Variants in ATP9B observed in about 807,000 individuals in gnomAD.
ATP9B encodes ATPase phospholipid transporting 9B.
ATP9B carries 110 observed loss-of-function variants against 146.1 expected under a neutral mutation model. That is an observed-to-expected ratio of 0.75 (90% CI 0.65 to 0.88). The LOEUF (loss-of-function observed/expected upper bound fraction) is 0.88. ATP9B is among the 40% of genes least tolerant of loss of function. The probability of loss-of-function intolerance (pLI) is 0.00; values close to 1 mark genes in which losing one functional copy is unlikely to be tolerated. For missense variants in ATP9B, 1,499 were observed against 1,496.4 expected, an observed-to-expected ratio of 1.00 and a Z score of -0.03; for synonymous variants, 604 against 569.7, an observed-to-expected ratio of 1.06 and a Z score of -0.86.
intron 11 of ATP9B, among the ~76,000 whole-genome samples, chr18:79,247,430 A>T (rs1178611345): frequency 6.6e-6 from 1 of 152,206 alleles, no homozygotes; most frequent in Non-Finnish European, 1.5e-5. Context: ...GACATTTCTC[A>T]AGCGATCTAG....
intron 15 of ATP9B, among the ~76,000 whole-genome samples, chr18:79,316,370 C>G (rs1206091383): frequency 6.6e-6 from 1 of 152,212 alleles, no homozygotes; most frequent in African/African-American, 2.4e-5. Flanking sequence ...AGCCACGTGT[C>G]ACCTGCTGCT....
At chr18:79,240,151 C>G (rs1316955564) in intron 11 of ATP9B, among the ~76,000 whole-genome samples, 1 of 152,218 alleles carries the variant, frequency 6.6e-6, no homozygotes, top group Admixed American at 6.5e-5. Flanking sequence ...CTTTGCTGGA[C>G]TCAATATTCC....
intron 4 of ATP9B, among the ~76,000 whole-genome samples, chr18:79,119,834 C>T (rs541713463): frequency 9.8e-5 from 15 of 152,296 alleles, no homozygotes; most frequent in Admixed American, 2.0e-4. Flanking sequence ...GAGCAAACCT[C>T]TTAAAAAGTT....
intron 13 of ATP9B, among the ~76,000 whole-genome samples, chr18:79,293,904 A>G (rs1217941059): frequency 1.3e-5 from 2 of 152,190 alleles, no homozygotes; most frequent in African/African-American, 2.4e-5. Context: ...ATCGCCTTGC[A>G]TGTTTCTGTG....
chr18:79,273,624 G>A (rs187025523), intron 12 of ATP9B, among the ~76,000 whole-genome samples: 2 of 152,322 alleles, frequency 1.3e-5, no homozygotes, highest in Admixed American at 1.3e-4. Flanking sequence ...CAGACAAGTT[G>A]TGGGACTGGG....
At chr18:79,267,992 T>C (rs1238965012) in intron 12 of ATP9B, among the ~76,000 whole-genome samples, 1 of 152,098 alleles carries the variant, frequency 6.6e-6, no homozygotes, top group East Asian at 1.9e-4. Context: ...GGAATTCTGT[T>C]TATTTTTAGT....
chr18:79,304,506 A>G (rs304938), intron 14 of ATP9B, among the ~76,000 whole-genome samples: 151,716 of 152,344 alleles, frequency 1, 75,553 homozygotes, highest in Middle Eastern at 1. Flanking sequence ...AAAAAGCTTC[A>G]AGTTTTAGAA....
intron 25 of ATP9B, among the ~76,000 whole-genome samples, chr18:79,349,949 G>C (rs898667377): frequency 1.1e-4 from 15 of 136,706 alleles, no homozygotes; most frequent in Admixed American, 1.7e-4. Context: ...TGTATTACCA[G>C]TTAGCGTCCT....
chr18:79,200,044 T>C (rs1314634371), intron 9 of ATP9B, among the ~76,000 whole-genome samples: 1 of 152,266 alleles, frequency 6.6e-6, no homozygotes, highest in African/African-American at 2.4e-5. Context: ...CATAAACTAG[T>C]AACATAGTTG....
rs188291725 is a variant in ATP9B at position 79,211,237 on chromosome 18, G to A, written c.1031-2725G>A. Among the ~76,000 whole-genome samples the A allele has an allele frequency of 2.6e-5, 4 of 152,260 alleles. No individual in the cohort carries two copies. In the East Asian group the frequency reaches 7.7e-4, roughly 29 times the overall value. Reference sequence around the variant, plus strand: ...AAATTTGACCTTGTTAGCATTCTTTGTCTTGCTTTGCAACATGGAAGTTGT... The same window carrying A: ...AAATTTGACCTTGTTAGCATTCTTTATCTTGCTTTGCAACATGGAAGTTGT... On this transcript the variant is annotated intron_variant, in intron 10 of 29. Transcript: ENST00000426216.
At chr18:79,350,400 ACT>A (rs946895374) in intron 25 of ATP9B, among the ~76,000 whole-genome samples, 4 of 152,080 alleles carry the variant, frequency 2.6e-5, no homozygotes, top group African/African-American at 2.4e-5. Flanking sequence ...AGCATTGCAG[ACT>A]CTCTTTTTGT....
At chr18:79,329,521 C>T (rs902898914) in intron 16 of ATP9B, among the ~76,000 whole-genome samples, 38 of 151,892 alleles carry the variant, frequency 2.5e-4, no homozygotes, top group African/African-American at 9.2e-4. Context: ...CTAAGTCAAC[C>T]TAGCCAGAAT....
intron 8 of ATP9B, among the ~76,000 whole-genome samples, chr18:79,182,523 A>C (rs1272491158): frequency 6.6e-6 from 1 of 151,902 alleles, no homozygotes. Flanking sequence ...AAATCTCTTT[A>C]CCTGGGCTTA....
intron 15 of ATP9B, among the ~76,000 whole-genome samples, chr18:79,317,210 A>C (rs748454261): frequency 2.2e-4 from 33 of 152,226 alleles, no homozygotes; most frequent in Non-Finnish European, 4.0e-4. Flanking sequence ...AAGTTTGGCA[A>C]TGATGTCTAA....
chr18:79,146,328 T>C (rs368752539), intron 6 of ATP9B: 5,338 of 144,320 alleles, frequency 0.037, 186 homozygotes, highest in Non-Finnish European at 0.051. Context: ...TCGGGGGAGC[T>C]GGCGGTGTGC....
At chr18:79,369,174 G>A (rs372042033) in intron 26 of ATP9B, among the ~76,000 whole-genome samples, 2 of 151,792 alleles carry the variant, frequency 1.3e-5, no homozygotes, top group African/African-American at 2.4e-5. Context: ...CGAGGCGGGC[G>A]GGTCACGAGG....
chr18:79,122,162 G>C (rs1283956700), intron 4 of ATP9B, among the ~76,000 whole-genome samples: 1 of 152,064 alleles, frequency 6.6e-6, no homozygotes, highest in Non-Finnish European at 1.5e-5. Context: ...ATGCTTACCT[G>C]ATTAAAAAAC....
At chr18:79,253,347 T>C (rs1284222481) in intron 11 of ATP9B, 34 bp from the exon 12 acceptor site, 1 of 1,582,644 alleles carries the variant, frequency 6.3e-7, no homozygotes, top group African/African-American at 1.4e-5. Context: ...ACATTGTGGT[T>C]AGCTTGTTCA....
chr18:79,210,301 G>A (rs1001502417), intron 10 of ATP9B, among the ~76,000 whole-genome samples: 1 of 152,212 alleles, frequency 6.6e-6, no homozygotes, highest in Non-Finnish European at 1.5e-5. Context: ...GCTCTCTAAG[G>A]CAAGGTTGAC....
Sources: gnomAD v4.1 joint callset for allele counts (sites outside exome capture counted in the v4.1 genomes callset) on GRCh38, gnomAD v4.1.1 for gene constraint, MANE v1.5 for transcripts, NCBI Gene and HGNC (gene_info 2026-07-23, HGNC 2026-07-21) for gene names.